KALRN: variants seen among roughly 807,000 people sequenced by gnomAD.
The protein encoded by KALRN is kalirin RhoGEF kinase.
In KALRN, 70 loss-of-function variants were observed where a neutral mutation model predicts 353.7. The ratio of observed to expected loss-of-function variants is 0.20; its 90% confidence interval spans 0.16 to 0.24. KALRN has a LOEUF of 0.24. Ranked by LOEUF, KALRN falls within the 10% of genes least tolerant of loss-of-function variation. The probability of loss-of-function intolerance (pLI) is 1.00; values close to 1 mark genes in which losing one functional copy is unlikely to be tolerated. For synonymous variants in KALRN, 1,391 were observed against 1,434.8 expected (o/e 0.97, Z 0.69); for missense variants, 2,791 against 3,756.7 (o/e 0.74, Z 6.72).
intron 11 of KALRN, among the ~76,000 whole-genome samples, chr3:124,389,702 G>T (rs1000568603): frequency 2.0e-5 from 3 of 152,124 alleles, no homozygotes; most frequent in Admixed American, 2.0e-4. Context: ...AGAGCTTGTG[G>T]TATAATATAT....
At chr3:124,155,301 T>C (rs61640611) in intron 1 of KALRN, among the ~76,000 whole-genome samples, 42,634 of 152,144 alleles carry the variant, frequency 0.28, 6,493 homozygotes, top group East Asian at 0.47. Flanking sequence ...TCTCCTGTTT[T>C]GTCATCAGTA....
At chr3:124,041,003 C>A (rs2039905562) in intron 1 of KALRN, among the ~76,000 whole-genome samples, 1 of 152,106 alleles carries the variant, frequency 6.6e-6, no homozygotes, top group African/African-American at 2.4e-5. Flanking sequence ...TTCATTTAAT[C>A]ATTTGTTTGA....
chr3:124,427,192 T>C (rs1039450693), intron 15 of KALRN, among the ~76,000 whole-genome samples: 2 of 152,210 alleles, frequency 1.3e-5, no homozygotes, highest in Non-Finnish European at 2.9e-5. Flanking sequence ...ACAGGACAAG[T>C]ACTATCCTTT....
At chr3:124,567,044 T>C (rs1028331270) in intron 34 of KALRN, among the ~76,000 whole-genome samples, 1 of 152,148 alleles carries the variant, frequency 6.6e-6, no homozygotes, top group Non-Finnish European at 1.5e-5. Flanking sequence ...GGATGGTTCT[T>C]GATGATCCAC....
chr3:124,337,072 T>C (rs1581106164), intron 9 of KALRN, among the ~76,000 whole-genome samples: 1 of 152,036 alleles, frequency 6.6e-6, no homozygotes, highest in Admixed American at 6.6e-5. Context: ...GACGATGGGG[T>C]TTTCTAAATG....
At chr3:124,140,676 T>G (rs1419921674) in intron 1 of KALRN, among the ~76,000 whole-genome samples, 1 of 152,218 alleles carries the variant, frequency 6.6e-6, no homozygotes, top group Non-Finnish European at 1.5e-5. Context: ...AAAGCTTCAC[T>G]TGCTCTACTG....
At chr3:124,153,388 A>G (rs1424296470) in intron 1 of KALRN, among the ~76,000 whole-genome samples, 3 of 150,554 alleles carry the variant, frequency 2.0e-5, no homozygotes, top group African/African-American at 7.3e-5. Context: ...TGTCCTTGCG[A>G]TAGTTTACTG....
chr3:124,384,081 A>G (rs1165671020), intron 10 of KALRN, among the ~76,000 whole-genome samples: 1 of 152,240 alleles, frequency 6.6e-6, no homozygotes, highest in Non-Finnish European at 1.5e-5. Context: ...TTCTAAAGGC[A>G]GTGGCTCCCA....
At chr3:124,201,606 A>G (rs2075951519) in intron 1 of KALRN, among the ~76,000 whole-genome samples, 2 of 152,202 alleles carry the variant, frequency 1.3e-5, no homozygotes, top group African/African-American at 4.8e-5. Context: ...GTCTTGGTGT[A>G]TGGTGGCTAT....
chr3:124,597,961 G>A (rs960229173), intron 34 of KALRN, among the ~76,000 whole-genome samples: 1 of 152,268 alleles, frequency 6.6e-6, no homozygotes, highest in Admixed American at 6.5e-5. Flanking sequence ...CTTATGTTTG[G>A]AGGAACAGGG....
At chr3:124,451,931 C>T (rs1379490484) in intron 21 of KALRN, among the ~76,000 whole-genome samples, 1 of 152,172 alleles carries the variant, frequency 6.6e-6, no homozygotes, top group Admixed American at 6.5e-5. Context: ...AAGCAATCAC[C>T]CAGATCCCTG....
intron 10 of KALRN, among the ~76,000 whole-genome samples, chr3:124,382,682 T>A (rs2087568432): frequency 6.6e-6 from 1 of 152,210 alleles, no homozygotes; most frequent in Non-Finnish European, 1.5e-5. Context: ...GTCTACAGAA[T>A]ATAAAGCTAC....
intron 38 of KALRN, among the ~76,000 whole-genome samples, chr3:124,653,649 A>G (rs1391447801): frequency 6.6e-6 from 1 of 152,226 alleles, no homozygotes. Context: ...AAGAGAGAGA[A>G]CAGCCAGTGC....
At chr3:124,664,743 CTT>C (rs1400999664) in intron 45 of KALRN, among the ~76,000 whole-genome samples, 3 of 152,176 alleles carry the variant, frequency 2.0e-5, no homozygotes, top group Non-Finnish European at 4.4e-5. Context: ...ACTGCTGTCT[CTT>C]GTTTTTGTCA....
At chr3:124,496,015 A>T (rs1406276168) in intron 32 of KALRN, among the ~76,000 whole-genome samples, 1 of 33,938 alleles carries the variant, frequency 2.9e-5, no homozygotes, top group Non-Finnish European at 5.0e-5. Context: ...ATATATATAC[A>T]CACACATATA....
At chr3:124,643,222 G>A (rs749142380) in intron 37 of KALRN, among the ~76,000 whole-genome samples, 60 of 152,032 alleles carry the variant, frequency 3.9e-4, no homozygotes, top group Admixed American at 7.2e-4. Flanking sequence ...TTTGTTGCCC[G>A]GGCTGGTCTC....
intron 5 of KALRN, among the ~76,000 whole-genome samples, chr3:124,284,155 G>T (rs1009847101): frequency 2.6e-5 from 4 of 152,250 alleles, no homozygotes; most frequent in South Asian, 2.1e-4. Flanking sequence ...TGAGATCAAG[G>T]CTGGCTTGGT....
intron 11 of KALRN, among the ~76,000 whole-genome samples, chr3:124,393,322 T>G (rs983524657): frequency 1.3e-5 from 2 of 152,146 alleles, no homozygotes; most frequent in Non-Finnish European, 2.9e-5. Flanking sequence ...ATCTCTTCCC[T>G]AAAGACTTAA....
At chr3:124,352,842 C>T (rs11918173) in intron 10 of KALRN, among the ~76,000 whole-genome samples, 29,353 of 151,968 alleles carry the variant, frequency 0.19, 2,932 homozygotes, top group Middle Eastern at 0.23. Flanking sequence ...GGGAGGGGAA[C>T]ATCACACACT....
Sources: gnomAD v4.1 joint callset for allele counts (sites outside exome capture counted in the v4.1 genomes callset) on GRCh38, gnomAD v4.1.1 for gene constraint, MANE v1.5 for transcripts, NCBI Gene and HGNC (gene_info 2026-07-23, HGNC 2026-07-21) for gene names.